SNX29: variants seen among roughly 807,000 people sequenced by gnomAD.
SNX29 encodes sorting nexin 29, also known as sorting nexin-29.
A neutral mutation model predicts 102.1 loss-of-function variants in SNX29; 78 were observed. The observed-to-expected ratio is 0.76, with a 90% CI of 0.64 to 0.92. The LOEUF (loss-of-function observed/expected upper bound fraction) is 0.92. SNX29 is among the 40% of genes least tolerant of loss of function. The probability of loss-of-function intolerance (pLI) is 0.00; values close to 1 mark genes in which losing one functional copy is unlikely to be tolerated. For synonymous variants in SNX29, 580 were observed against 414.5 expected (o/e 1.40, Z -4.85); for missense variants, 1,280 against 1,061.7 (o/e 1.21, Z -2.86).
At chr16:12,266,852 C>T (rs2142560216) in intron 14 of SNX29, among the ~76,000 whole-genome samples, 1 of 152,302 alleles carries the variant, frequency 6.6e-6, no homozygotes, top group South Asian at 2.1e-4. Context: ...CAACCTCTGC[C>T]CCCTGGGTTC....
chr16:12,392,469 C>T (rs2083564025), intron 16 of SNX29, among the ~76,000 whole-genome samples: 1 of 152,154 alleles, frequency 6.6e-6, no homozygotes, highest in Non-Finnish European at 1.5e-5. Context: ...TCCATCTGTC[C>T]ATTTTTACAT....
chr16:12,416,660 T>C (rs1185168705), intron 18 of SNX29, among the ~76,000 whole-genome samples: 3 of 152,154 alleles, frequency 2.0e-5, no homozygotes, highest in African/African-American at 7.2e-5. Flanking sequence ...GCTCGGCTTC[T>C]GGGAAGGCCT....
Position 12,126,712 on chromosome 16 carries a change from G to T in SNX29, c.1466+16G>T. On this transcript the variant is annotated intron_variant, in intron 12 of 20. Transcript: ENST00000566228. ...AGGAGAACAGGTACCGTGATTTTCA[G>T]GCTTGAGGAATAGCCTCTTTCTTTG... The T allele has an allele frequency of 6.2e-7, 1 of 1,613,646 alleles. No individual in the cohort carries two copies. Among genetic ancestry groups the T allele is most frequent in the Middle Eastern group, 1.7e-4 (1 of 6,060 alleles).
intron 18 of SNX29, among the ~76,000 whole-genome samples, chr16:12,446,589 C>T (rs1055075162): frequency 6.6e-6 from 1 of 152,088 alleles, no homozygotes; most frequent in Non-Finnish European, 1.5e-5. Context: ...AGAATAGGAG[C>T]CAGTATCGAT....
At chr16:11,985,986 G>T (rs1026949595) in intron 1 of SNX29, among the ~76,000 whole-genome samples, 1 of 151,764 alleles carries the variant, frequency 6.6e-6, no homozygotes, top group East Asian at 1.9e-4. Flanking sequence ...TGTATTTTTC[G>T]TAGAGATGGG....
At chr16:12,562,241 C>T (rs541139062) in intron 20 of SNX29, among the ~76,000 whole-genome samples, 50 of 152,144 alleles carry the variant, frequency 3.3e-4, no homozygotes, top group Admixed American at 1.6e-3. Flanking sequence ...AAGTGAAGGG[C>T]GAGGGCATTC....
chr16:12,522,450 G>T (rs1191986600), intron 19 of SNX29, among the ~76,000 whole-genome samples: 1 of 152,052 alleles, frequency 6.6e-6, no homozygotes, highest in East Asian at 1.9e-4. Flanking sequence ...TTTTTTAGAG[G>T]CAGTGATGTG....
At chr16:12,200,466 G>A (rs1208237068) in intron 14 of SNX29, among the ~76,000 whole-genome samples, 1 of 144,502 alleles carries the variant, frequency 6.9e-6, no homozygotes, top group Non-Finnish European at 1.5e-5. Context: ...CAAACAGTGG[G>A]TGTTCCCCAC....
chr16:12,423,630 G>A (rs890331589), intron 18 of SNX29, among the ~76,000 whole-genome samples: 1 of 152,170 alleles, frequency 6.6e-6, no homozygotes, highest in Non-Finnish European at 1.5e-5. Flanking sequence ...GAGTGCAGTG[G>A]CGCCATCTTG....
chr16:12,524,673 C>G (rs747876766), intron 19 of SNX29, 29 bp from the exon 20 acceptor site: 1 of 1,608,714 alleles, frequency 6.2e-7, no homozygotes, highest in South Asian at 1.1e-5. Context: ...GAAGACGTAC[C>G]AAAGCGAAGA....
At chr16:12,530,595 G>A (rs1312025405) in intron 20 of SNX29, among the ~76,000 whole-genome samples, 1 of 150,996 alleles carries the variant, frequency 6.6e-6, no homozygotes, top group Non-Finnish European at 1.5e-5. Context: ...CGCTCTTGTC[G>A]CCCAGGCTAG....
At chr16:12,404,514 C>T (rs766809316) in intron 18 of SNX29, among the ~76,000 whole-genome samples, 2 of 152,162 alleles carry the variant, frequency 1.3e-5, no homozygotes, top group Admixed American at 1.3e-4. Context: ...CCTGCTTCTC[C>T]TGTCTGCTTG....
At chr16:12,138,429 A>G (rs1440092910) in intron 13 of SNX29, among the ~76,000 whole-genome samples, 3 of 151,874 alleles carry the variant, frequency 2.0e-5, no homozygotes, top group African/African-American at 7.3e-5. Flanking sequence ...GCTGGTCTCG[A>G]ACTCCTGACC....
intron 19 of SNX29, among the ~76,000 whole-genome samples, chr16:12,521,544 A>G (rs1014181564): frequency 1.6e-4 from 25 of 152,172 alleles, no homozygotes; most frequent in African/African-American, 6.0e-4. Context: ...TTATTGCTTT[A>G]GAGTGTTTTG....
intron 13 of SNX29, among the ~76,000 whole-genome samples, chr16:12,180,442 A>G (rs543970304): frequency 4.1e-4 from 62 of 151,692 alleles, no homozygotes; most frequent in Non-Finnish European, 6.6e-4. Context: ...TTCTCCTCAT[A>G]ATATTGTGTA....
intron 14 of SNX29, among the ~76,000 whole-genome samples, chr16:12,236,097 G>C (rs901411931): frequency 2.0e-5 from 3 of 151,960 alleles, no homozygotes; most frequent in Admixed American, 6.6e-5. Context: ...ACTGCTTTAC[G>C]TACTTATTTC....
intron 3 of SNX29, among the ~76,000 whole-genome samples, chr16:12,025,250 C>T (rs376393221): frequency 4.1e-4 from 52 of 128,006 alleles, no homozygotes; most frequent in Middle Eastern, 5.7e-3. Context: ...TGCAGTGAGC[C>T]GAGATTGTGC....
chr16:12,187,506 C>A (rs1391284729), intron 13 of SNX29, among the ~76,000 whole-genome samples: 1 of 151,750 alleles, frequency 6.6e-6, no homozygotes, highest in Non-Finnish European at 1.5e-5. Flanking sequence ...CGAGATCATG[C>A]CACTGCACTC....
At chr16:12,552,205 A>AG (rs2078022211) in intron 20 of SNX29, among the ~76,000 whole-genome samples, 1 of 152,274 alleles carries the variant, frequency 6.6e-6, no homozygotes, top group East Asian at 1.9e-4. Context: ...AAGGCAGGGG[A>AG]GGGCCGTGGA....
Sources: gnomAD v4.1 joint callset for allele counts (sites outside exome capture counted in the v4.1 genomes callset) on GRCh38, gnomAD v4.1.1 for gene constraint, MANE v1.5 for transcripts, NCBI Gene and HGNC (gene_info 2026-07-23, HGNC 2026-07-21) for gene names.